ZFTA: variants seen among roughly 807,000 people sequenced by gnomAD.
ZFTA encodes zinc finger translocation-associated protein.
ZFTA carries 35 observed loss-of-function variants against 41.8 expected under a neutral mutation model. That is an observed-to-expected ratio of 0.84 (90% CI 0.64 to 1.11). The LOEUF is 1.11. Among genes scored for constraint, ZFTA ranks in the 50% most tolerant of loss-of-function variants. ZFTA has a pLI of 0.00. For synonymous variants in ZFTA, 514 were observed against 436.4 expected (o/e 1.18, Z -2.22); for missense variants, 964 against 989.8 (o/e 0.97, Z 0.35).
Position 63,764,985 on chromosome 11 carries a change from G to A in ZFTA, c.907C>T (p.His303Tyr). The part of the protein sequence containing the change: ...PSLHLDDIRA[H>Y]VLEVHPGSLG... ...GAGCCAGGGTGCACCTCCAGCACGTGGGCACGGATGTCGTCCAGGTGCAGG... is the reference window on the plus strand; with the variant it reads ...GAGCCAGGGTGCACCTCCAGCACGTAGGCACGGATGTCGTCCAGGTGCAGG... Residue 303 changes from histidine (H) to tyrosine (Y), a missense_variant, in exon 3 of 5, where the codon CAC becomes TAC. By Grantham distance (83) the His-to-Tyr change is moderately conservative. Around this residue, in one of 5 missense-constraint regions of ZFTA, gnomAD observed 584 missense variants for 523.1 expected, o/e 1.12. Coordinates refer to ENST00000433688, the MANE Select transcript of ZFTA (RefSeq NM_001144936.2). 6.5e-7 allele frequency: 1 copy of A among 1,548,878 alleles called. No homozygotes were observed.
At position 63,764,299 on chromosome 11, in the gene ZFTA, A is replaced by C; in HGVS notation, c.1324T>G (p.Cys442Gly). The change falls in exon 4 of 5, where the codon TGC (cysteine) becomes GGC (glycine). Residue 442 changes from cysteine to glycine, a missense_variant. Around this residue, in one of 5 missense-constraint regions of ZFTA, gnomAD observed 584 missense variants for 523.1 expected, o/e 1.12. Coordinates refer to ENST00000433688, the MANE Select transcript of ZFTA (RefSeq NM_001144936.2). Reference protein sequence around the residue: ...GGRRGLVCGVCGGALASLKMS... With the variant: ...GGRRGLVCGVGGGALASLKMS... The stretch of plus-strand genomic sequence containing the variant: ...TTGAGCGAGGCCAGCGCGCCCCCGC[A>C]CACCCCGCACACCAGGCCGCGCCGG... 1 of 1,423,980 alleles carries C rather than the reference A, an allele frequency of 7.0e-7. No individual in the cohort carries two copies. The allele number at this position is 1,423,980 out of a possible 1,614,324, so 88.2% of individuals were successfully genotyped here.
chr11:63,767,638 G>C (rs1266734766), intron 1 of ZFTA: 1 of 152,352 alleles, frequency 6.6e-6, no homozygotes, highest in Non-Finnish European at 1.5e-5. Flanking sequence ...GGCGTTTCTG[G>C]GAGGGGAGAG....
intron 4 of ZFTA, 77 bp downstream of exon 4, chr11:63,763,961 T>C: frequency 7.5e-7 from 1 of 1,336,938 alleles, no homozygotes; most frequent in Non-Finnish European, 9.7e-7. Context: ...TTTGCCCTTC[T>C]ATCCCATCCT....
At position 63,763,436 on chromosome 11, in the gene ZFTA, G is replaced by A; in HGVS notation, c.2019C>T (p.Gly673=). ...PRDGGADLKS[G]AVCRA The stretch of plus-strand genomic sequence containing the variant: ...TAGGCCGCTACGCCCGACACACAGC[G>A]CCAGACTTGAGGTCCGCGCCGCCGT... Residue 673 remains glycine, a synonymous_variant, in exon 5 of 5, where the codon GGC becomes GGT. Coordinates refer to ENST00000433688, the MANE Select transcript of ZFTA (RefSeq NM_001144936.2). 5.8e-6 allele frequency: 8 copies of A among 1,379,632 alleles called. No homozygotes were observed. The highest frequency in any genetic ancestry group is 7.5e-6 in the Non-Finnish European group (8 of 1,067,308). The allele number at this position is 1,379,632 out of a possible 1,614,324, so 85.5% of individuals were successfully genotyped here.
intron 3 of ZFTA, 43 bp from the exon 4 acceptor site, chr11:63,764,641 T>C: frequency 7.9e-7 from 1 of 1,263,220 alleles, no homozygotes. Context: ...GCCTGCTGGC[T>C]GGGTTGCCCT....
Position 63,766,208 on chromosome 11 carries a change from T to C in ZFTA, c.236A>G (p.Lys79Arg). ...RARGPASSGR[K>R]YSDHCEARAS... is the part of the protein sequence containing the mutation. The stretch of plus-strand genomic sequence containing the variant: ...CCGGGCCTCACAGTGGTCTGAATAT[T>C]TCCTGCCTGAAGATGCTGGTCCCCT... Residue 79 changes from lysine (K) to arginine (R), a missense_variant, in exon 2 of 5, where the codon AAA (lysine) becomes AGA (arginine). Physicochemically the swap from Lys to Arg is conservative, Grantham distance 26. This residue lies in a region of ZFTA where 141 missense variants were observed against 216.7 expected (regional missense o/e 0.65). Coordinates refer to ENST00000433688, the MANE Select transcript of ZFTA (RefSeq NM_001144936.2). 8 of 1,536,644 alleles carry C rather than the reference T, an allele frequency of 5.2e-6. No individual in the cohort carries two copies. The highest frequency in any genetic ancestry group is 7.0e-6 in the Non-Finnish European group (8 of 1,141,020).
chr11:63,768,553 A>G lies in ZFTA; in HGVS notation c.70T>C (p.Ser24Pro). Residue 24 changes from serine to proline, a missense_variant, in exon 1 of 5, where the codon TCG (serine) becomes CCG (proline). Transcript: ENST00000433688. ...GGCGGCAGCCGTCGGCCCCGTGCCG[A>G]GGCCACTGCTGGCCCGGGGCCGCCC... is the stretch of plus-strand genomic sequence containing the variant. ...GRGGPGPAVA[S>P]ARGRRLPPAG... The G allele has an allele frequency of 9.0e-7, 1 of 1,116,504 alleles. No homozygotes were observed. Among genetic ancestry groups the G allele is most frequent in the Non-Finnish European group, 1.1e-6 (1 of 914,280 alleles). The allele number at this position is 1,116,504 out of a possible 1,614,324, so 69.2% of individuals were successfully genotyped here.
At position 63,765,933 on chromosome 11, in the gene ZFTA, G is replaced by C. The variant is rs1168999707; in HGVS notation, c.511C>G (p.Leu171Val). ...EVISNSWDAH[L>V]GLGACGEAEG... ...GCCTCTCCGCAGGCCCCCAGCCCCA[G>C]GTGTGCATCCCAGCTGTTGCTGATG... Residue 171 changes from leucine (L) to valine (V), a missense_variant, in exon 2 of 5, where the codon CTG becomes GTG. Around this residue, in one of 5 missense-constraint regions of ZFTA, gnomAD observed 141 missense variants for 216.7 expected, o/e 0.65. Transcript: ENST00000433688. This position sits in a 1 kb window ranked among gnomAD's most constrained non-coding sequence, Gnocchi z 4.0. 6.4e-7 allele frequency: 1 copy of C among 1,551,574 alleles called. No individual in the cohort carries two copies.
rs1275500745 is a variant in ZFTA at position 63,761,288 on chromosome 11, A to C, written c.*2130T>G. On this transcript the variant is annotated 3_prime_UTR_variant, in exon 5 of 5. Coordinates refer to ENST00000433688, the MANE Select transcript of ZFTA (RefSeq NM_001144936.2). The stretch of plus-strand genomic sequence containing the variant: ...GAATCCCTGGTGGCCTCCACAACAA[A>C]AAGCACAAAGCCCCCTGCCGAGGCA... 6.6e-6 allele frequency: 1 copy of C among 152,162 alleles called. No individual in the cohort carries two copies. The highest frequency in any genetic ancestry group is 1.5e-5 in the Non-Finnish European group (1 of 68,046). The allele number at this position is 152,162 out of a possible 1,614,324, so 9.4% of individuals were successfully genotyped here. A position where few individuals can be genotyped will look rare whatever the true frequency, so the allele number is the denominator to read the frequency against.
In ZFTA at chr11:63,764,193, G is replaced by A; in HGVS notation, c.1430C>T (p.Ala477Val). The A allele has an allele frequency of 2.2e-6, 3 of 1,392,948 alleles. No homozygotes were observed. The highest frequency in any genetic ancestry group is 6.0e-5 in the East Asian group (2 of 33,370). The allele number at this position is 1,392,948 out of a possible 1,614,324, so 86.3% of individuals were successfully genotyped here. Residue 477 changes from alanine to valine, a missense_variant, in exon 4 of 5, where the codon GCC (alanine) becomes GTC (valine). Physicochemically the swap from Ala to Val is moderately conservative, Grantham distance 64 (BLOSUM62 0). Coordinates refer to ENST00000433688, the MANE Select transcript of ZFTA (RefSeq NM_001144936.2). ...RLGGPVQALIAREWSEKAAHL... is the reference protein window; with the variant it reads ...RLGGPVQALIVREWSEKAAHL... ...GGCGGCCTTCTCGCTCCACTCCCGG[G>A]CGATGAGGGCCTGGACAGGCCCGCC...
chr11:63,763,414 G>A lies in ZFTA; in HGVS notation c.*4C>T, dbSNP rs1476784887. Reference sequence around the variant, plus strand: ...CCGACCTGACCCGGGGGCCCGCTAGGCCGCTACGCCCGACACACAGCGCCA... The same window carrying A: ...CCGACCTGACCCGGGGGCCCGCTAGACCGCTACGCCCGACACACAGCGCCA... On this transcript the variant is annotated 3_prime_UTR_variant, in exon 5 of 5. Transcript: ENST00000433688. 2.3e-6 allele frequency: 3 copies of A among 1,301,246 alleles called. No individual in the cohort carries two copies. Among genetic ancestry groups the A allele is most frequent in the African/African-American group, 1.6e-5 (1 of 62,828 alleles). 80.6% of individuals were successfully genotyped at this position (1,301,246 alleles called of 1,614,324 possible).
Position 63,764,588 on chromosome 11 carries a change from G to C in ZFTA, c.1035C>G (p.Leu345=). 8.0e-7 allele frequency: 1 copy of C among 1,255,120 alleles called. No individual in the cohort carries two copies. The highest frequency in any genetic ancestry group is 1.0e-6 in the Non-Finnish European group (1 of 996,858). The allele number at this position is 1,255,120 out of a possible 1,614,324, so 77.7% of individuals were successfully genotyped here. Reference sequence around the variant, plus strand: ...TCTTTCCGGTCAGGTCCTGGGGGGCGAGGTCATCGCCTGTTGGGGAAGGGG... The same window carrying C: ...TCTTTCCGGTCAGGTCCTGGGGGGCCAGGTCATCGCCTGTTGGGGAAGGGG... The part of the protein sequence containing the change: ...ELTQSPPGDD[L]APQDLTGKSR... The change falls in exon 4 of 5, where the codon CTC becomes CTG. Residue 345 remains leucine, a synonymous_variant. Transcript: ENST00000433688.
chr11:63,764,944 GC>G lies in ZFTA; in HGVS notation c.947del (p.Gly316AlafsTer35). 1 of 1,547,444 alleles carries G rather than the reference GC, an allele frequency of 6.5e-7. No homozygotes were observed. Among genetic ancestry groups the G allele is most frequent in the Non-Finnish European group, 8.7e-7 (1 of 1,146,338 alleles). ...CCTGCAGCAGGGCACTGCGCTGGGG[GC>G]CGCTGAGCCCCAGGGAGCCAGGGTG... ...EVHPGSLGLS[G>X]PQRSALLQAW... On this transcript the variant is annotated frameshift_variant, in exon 3 of 5. Transcript: ENST00000433688. LOFTEE classifies it high-confidence loss of function.
chr11:63,761,042 A>G lies in ZFTA; in HGVS notation c.*2376T>C, dbSNP rs1287658669. On this transcript the variant is annotated 3_prime_UTR_variant, in exon 5 of 5. Coordinates refer to ENST00000433688, the MANE Select transcript of ZFTA (RefSeq NM_001144936.2). ...TGAGTGATTATAAATTGGTTCCCCC[A>G]ATTTGCCTACTGTTTTTGAATGGGC... 1.3e-5 allele frequency: 2 copies of G among 152,122 alleles called. No individual in the cohort carries two copies. Among genetic ancestry groups the G allele is most frequent in the East Asian group, 3.9e-4 (2 of 5,192 alleles). 9.4% of individuals were successfully genotyped at this position (152,122 alleles called of 1,614,324 possible).
rs2014592472 is a variant in ZFTA, at chr11:63,760,121, T to C, written c.*3297A>G. The C allele has an allele frequency of 6.6e-6, 1 of 152,192 alleles. No individual in the cohort carries two copies. Among genetic ancestry groups the C allele is most frequent in the South Asian group, 2.1e-4 (1 of 4,832 alleles). 9.4% of individuals were successfully genotyped at this position (152,192 alleles called of 1,614,324 possible). A position where few individuals can be genotyped will look rare whatever the true frequency, so the allele number is the denominator to read the frequency against. On this transcript the variant is annotated 3_prime_UTR_variant, in exon 5 of 5. Transcript: ENST00000433688. The stretch of plus-strand genomic sequence containing the variant: ...GAGACCCTCTAAGAGGTGGTGACCT[T>C]AGAAGAATGAGGAGGGGTCAGGGGG...
chr11:63,764,767 C>G (rs1394156472), intron 3 of ZFTA, 101 bp downstream of exon 3: 1 of 1,403,020 alleles, frequency 7.1e-7, no homozygotes. Context: ...AGCTCCTGGC[C>G]TTCAGCCCTC....
chr11:63,768,110 G>C (rs2014775939), intron 1 of ZFTA, among the ~76,000 whole-genome samples: 1 of 152,134 alleles, frequency 6.6e-6, no homozygotes, highest in Non-Finnish European at 1.5e-5. Flanking sequence ...GCGGACTTTT[G>C]AGAGAAAGCC....
rs1460183919 is a variant in ZFTA at position 63,761,617 on chromosome 11, C to T, written c.*1801G>A. The T allele has an allele frequency of 2.0e-5, 3 of 152,316 alleles. No individual in the cohort carries two copies. The highest frequency in any genetic ancestry group is 3.9e-4 in the East Asian group (2 of 5,194). 9.4% of individuals were successfully genotyped at this position (152,316 alleles called of 1,614,324 possible). A position where few individuals can be genotyped will look rare whatever the true frequency, so the allele number is the denominator to read the frequency against. On this transcript the variant is annotated 3_prime_UTR_variant, in exon 5 of 5. Coordinates refer to ENST00000433688, the MANE Select transcript of ZFTA (RefSeq NM_001144936.2). ...ATTTTCATTCTAGTTCTTGTACTGT[C>T]CCTACCTGGCTGTGTGATCATCTCG...
At chr11:63,767,024 C>T (rs893988784) in intron 1 of ZFTA, among the ~76,000 whole-genome samples, 1 of 152,222 alleles carries the variant, frequency 6.6e-6, no homozygotes, top group African/African-American at 2.4e-5. Flanking sequence ...AATGACACTG[C>T]GGCAGGGAGT....
Sources: gnomAD v4.1 joint callset for allele counts (sites outside exome capture counted in the v4.1 genomes callset) on GRCh38, gnomAD v4.1.1 for gene constraint, gnomAD v4.1.1 regional missense constraint, Gnocchi (gnomAD v3.1) non-coding constraint, MANE v1.5 for transcripts, NCBI Gene and HGNC (gene_info 2026-07-23, HGNC 2026-07-21) for gene names.